The following GPHN variants were observed in gnomAD, a reference collection of about 807,000 sequenced individuals.
GPHN encodes gephyrin.
GPHN carries 17 observed loss-of-function variants against 95.5 expected under a neutral mutation model. The observed-to-expected ratio is 0.18, with a 90% confidence interval of 0.12 to 0.27. The LOEUF is 0.27. Among genes scored for constraint, GPHN ranks in the 10% least tolerant of loss-of-function variants. The probability of loss-of-function intolerance (pLI) is 1.00; values close to 1 mark genes in which losing one functional copy is unlikely to be tolerated. For synonymous variants in GPHN, 320 were observed against 322.5 expected (o/e 0.99, Z 0.08); for missense variants, 660 against 978.1 (o/e 0.67, Z 4.34).
chr14:67,623,534 C>CTTTTTTTTTT, the GPHN span, among the ~76,000 whole-genome samples: 2 of 82,924 alleles, frequency 2.4e-5, no homozygotes, highest in Non-Finnish European at 4.4e-5. Flanking sequence ...CTCAGGTAAC[C>CTTTTTTTTTT]TTTTTTTTTT....
chr14:67,725,337 C>T, the GPHN span: 1 of 1,365,262 alleles, frequency 7.3e-7, no homozygotes, highest in South Asian at 1.2e-5. Flanking sequence ...ATGGCCCTTA[C>T]ATCAGAACCA....
At chr14:66,967,761 AG>A (rs2069443409) in intron 9 of GPHN, among the ~76,000 whole-genome samples, 1 of 151,910 alleles carries the variant, frequency 6.6e-6, no homozygotes, top group South Asian at 2.1e-4. Flanking sequence ...ATGCATGCTA[AG>A]AAGAAATGAA....
chr14:67,608,583 A>G, the GPHN span, among the ~76,000 whole-genome samples: 1 of 152,180 alleles, frequency 6.6e-6, no homozygotes, highest in Non-Finnish European at 1.5e-5. Flanking sequence ...GGAAGGTTCT[A>G]TTGTGTTTTT....
chr14:67,409,136 G>A, the GPHN span, among the ~76,000 whole-genome samples: 2 of 152,172 alleles, frequency 1.3e-5, no homozygotes, highest in African/African-American at 2.4e-5. Flanking sequence ...CCAGCTACTA[G>A]GGAGGCTGAG....
At chr14:67,281,331 A>C in the GPHN span, among the ~76,000 whole-genome samples, 1 of 152,206 alleles carries the variant, frequency 6.6e-6, no homozygotes, top group Non-Finnish European at 1.5e-5. Context: ...AGTCATAGTG[A>C]AGTCTGCTAA....
the GPHN span, chr14:67,302,698 G>A: frequency 1.4e-6 from 1 of 703,118 alleles, no homozygotes; most frequent in Non-Finnish European, 2.1e-6. Flanking sequence ...TTTCCATGAT[G>A]TAACTGTTCC....
chr14:66,998,701 A>G lies in GPHN; in HGVS notation c.964-24932A>G, dbSNP rs142424856. Reference sequence around the variant, plus strand: ...AAATTAAGTCTCCAATCCCTAATGTAGCACATTGGTTTACCAATTGCATAT... The same window carrying G: ...AAATTAAGTCTCCAATCCCTAATGTGGCACATTGGTTTACCAATTGCATAT... On this transcript the variant is annotated intron_variant, in intron 9 of 22. Coordinates refer to ENST00000478722, the MANE Select transcript of GPHN (RefSeq NM_020806.5). 3.3e-3 allele frequency among the ~76,000 whole-genome samples: 502 copies of G among 152,174 alleles called. 1 individual carries two copies. Among genetic ancestry groups the G allele is most frequent in the African/African-American group, 0.012 (487 of 41,534 alleles).
chr14:67,673,709 A>G, the GPHN span, among the ~76,000 whole-genome samples: 1 of 152,368 alleles, frequency 6.6e-6, no homozygotes, highest in African/African-American at 2.4e-5. Flanking sequence ...TGTCCTTGCC[A>G]TCAAATTCTA....
chr14:66,862,628 A>T (rs1374069259), intron 4 of GPHN, among the ~76,000 whole-genome samples: 1 of 152,128 alleles, frequency 6.6e-6, no homozygotes, highest in Admixed American at 6.5e-5. Flanking sequence ...ACAGTACATT[A>T]AGATCATTCT....
At chr14:67,553,879 T>G in the GPHN span, among the ~76,000 whole-genome samples, 2 of 152,108 alleles carry the variant, frequency 1.3e-5, no homozygotes, top group South Asian at 4.1e-4. Flanking sequence ...TCAGCTTCCA[T>G]CTAGAGGTTT....
intron 4 of GPHN, among the ~76,000 whole-genome samples, chr14:66,877,033 A>T (rs570567467): frequency 6.6e-6 from 1 of 152,190 alleles, no homozygotes; most frequent in Non-Finnish European, 1.5e-5. Context: ...CAAAAAGCTT[A>T]TACACCACAA....
intron 11 of GPHN, among the ~76,000 whole-genome samples, chr14:67,066,654 C>T (rs113237885): frequency 0.055 from 8,289 of 151,994 alleles, 237 homozygotes; most frequent in Middle Eastern, 0.068. Flanking sequence ...TCTAAACTTG[C>T]CTTCTCACTT....
At chr14:66,510,563 C>G (rs888024732) in intron 1 of GPHN, among the ~76,000 whole-genome samples, 1 of 152,140 alleles carries the variant, frequency 6.6e-6, no homozygotes, top group East Asian at 1.9e-4. Context: ...TTGTGCAAAA[C>G]TTTTCTAAAT....
chr14:67,502,456 C>CTTTTT, the GPHN span, among the ~76,000 whole-genome samples: 1 of 137,672 alleles, frequency 7.3e-6, no homozygotes, highest in Non-Finnish European at 1.5e-5. Context: ...AAGGTGATTT[C>CTTTTT]TTTTTTTTTT....
intron 1 of GPHN, among the ~76,000 whole-genome samples, chr14:66,608,908 C>A (rs1042902595): frequency 1.3e-5 from 2 of 152,128 alleles, no homozygotes; most frequent in African/African-American, 4.8e-5. Flanking sequence ...TTGAAGACAG[C>A]AGACAGTTGG....
chr14:66,732,706 G>C (rs984109638), intron 2 of GPHN, among the ~76,000 whole-genome samples: 5 of 152,048 alleles, frequency 3.3e-5, no homozygotes, highest in African/African-American at 9.7e-5. Flanking sequence ...TAGTAGAGAC[G>C]GGGATTCACC....
At chr14:67,263,009 G>T in the GPHN span, among the ~76,000 whole-genome samples, 1 of 152,084 alleles carries the variant, frequency 6.6e-6, no homozygotes, top group Non-Finnish European at 1.5e-5. Context: ...TTATTGCTAA[G>T]GAGTTGAAGG....
At chr14:67,205,025 A>T in the GPHN span, 1 of 1,553,334 alleles carries the variant, frequency 6.4e-7, no homozygotes, top group Non-Finnish European at 8.7e-7. Flanking sequence ...GATATTACAA[A>T]CTGCTCGGGA....
chr14:66,976,816 A>C (rs1567172287), intron 9 of GPHN, among the ~76,000 whole-genome samples: 2 of 151,134 alleles, frequency 1.3e-5, no homozygotes, highest in Non-Finnish European at 2.9e-5. Flanking sequence ...TGACAACCTC[A>C]AAGAGCTCTT....
Sources: gnomAD v4.1 joint callset for allele counts (sites outside exome capture counted in the v4.1 genomes callset) on GRCh38, gnomAD v4.1.1 for gene constraint, MANE v1.5 for transcripts, NCBI Gene and HGNC (gene_info 2026-07-23, HGNC 2026-07-21) for gene names.